Variants in UBE2D2 observed in about 807,000 individuals in gnomAD.
UBE2D2 encodes the protein ubiquitin conjugating enzyme E2 D2, also known as ubiquitin-conjugating enzyme E2 D2.
A neutral mutation model predicts 24.2 loss-of-function variants in UBE2D2; 2 were observed. That is an observed-to-expected ratio of 0.08 (90% confidence interval 0.03 to 0.26). UBE2D2 has a LOEUF of 0.26. Among genes scored for constraint, UBE2D2 ranks in the 10% least tolerant of loss-of-function variants. UBE2D2 has a pLI of 1.00. For synonymous variants in UBE2D2, 58 were observed against 56.5 expected, an observed-to-expected ratio of 1.03 and a Z score of -0.12; for missense variants, 44 against 177.6, an observed-to-expected ratio of 0.25 and a Z score of 4.28.
chr5:139,628,143 T>C lies in UBE2D2; in HGVS notation c.*1342T>C, dbSNP rs1367948438. 1.3e-5 allele frequency: 2 copies of C among 152,676 alleles called. No individual in the cohort carries two copies. Among genetic ancestry groups the C allele is most frequent in the East Asian group, 3.9e-4 (2 of 5,194 alleles). 9.5% of individuals were successfully genotyped at this position (152,676 alleles called of 1,614,324 possible). On this transcript the variant is annotated 3_prime_UTR_variant, in exon 7 of 7. Coordinates refer to ENST00000398733, the MANE Select transcript of UBE2D2 (RefSeq NM_003339.3). ...GAGAGTCTACATAATTACTTTGCAC[T>C]AACATTTGCAGGATGTTCACACAAT...
chr5:139,606,092 A>G (rs1754194161), intron 2 of UBE2D2, among the ~76,000 whole-genome samples: 1 of 152,020 alleles, frequency 6.6e-6, no homozygotes, highest in African/African-American at 2.4e-5. Flanking sequence ...AGATCTGTGC[A>G]TTCAAGTGTA....
intron 1 of UBE2D2, among the ~76,000 whole-genome samples, chr5:139,562,585 A>T (rs188857386): frequency 6.6e-6 from 1 of 152,160 alleles, no homozygotes; most frequent in Non-Finnish European, 1.5e-5. Flanking sequence ...AAATTATACA[A>T]AAGTTCCTTT....
At chr5:139,531,107 C>G (rs1561494909) in intron 1 of UBE2D2, among the ~76,000 whole-genome samples, 1 of 152,160 alleles carries the variant, frequency 6.6e-6, no homozygotes, top group Non-Finnish European at 1.5e-5. Flanking sequence ...GAGAGACCCT[C>G]TCATATTGTT....
chr5:139,583,164 G>A (rs1256519986), intron 1 of UBE2D2, among the ~76,000 whole-genome samples: 3 of 151,644 alleles, frequency 2.0e-5, no homozygotes, highest in South Asian at 2.1e-4. Flanking sequence ...TAGTAGAGAC[G>A]GGGTTTCACC....
intron 1 of UBE2D2, among the ~76,000 whole-genome samples, chr5:139,564,401 G>C (rs1753172979): frequency 6.6e-6 from 1 of 150,662 alleles, no homozygotes; most frequent in Admixed American, 6.6e-5. Context: ...TGATCCACCT[G>C]CCTCAGCCTC....
chr5:139,561,481 G>T lies in UBE2D2; in HGVS notation c.-311G>T. 1 of 352,388 alleles carries T rather than the reference G, an allele frequency of 2.8e-6. No homozygotes were observed. Among genetic ancestry groups the T allele is most frequent in the South Asian group, 1.0e-4 (1 of 9,732 alleles). 21.8% of individuals were successfully genotyped at this position (352,388 alleles called of 1,614,324 possible). A position where few individuals can be genotyped will look rare whatever the true frequency, so the allele number is the denominator to read the frequency against. ...GCTTGGGCTTTTGCTTTCTGGCGGA[G>T]GGATCTGCGGCGGTTTAGGAGGCGG... On this transcript the variant is annotated 5_prime_UTR_variant, in exon 1 of 7. The change creates a new upstream start codon in the 5' untranslated region. Transcript: ENST00000398733.
chr5:139,580,957 G>A (rs1753589304), intron 1 of UBE2D2, among the ~76,000 whole-genome samples: 1 of 152,080 alleles, frequency 6.6e-6, no homozygotes, highest in Non-Finnish European at 1.5e-5. Context: ...ACTGTATAAA[G>A]TTGTTAAAGC....
At chr5:139,560,859 C>T (rs1182711699), upstream of UBE2D2, among the ~76,000 whole-genome samples, 3 of 152,132 alleles carry the variant, frequency 2.0e-5, no homozygotes, top group East Asian at 5.8e-4. Context: ...AGACATCTCC[C>T]TCGTGGCAGG....
intron 1 of UBE2D2, chr5:139,562,343 C>G (rs758643441): frequency 1.5e-6 from 2 of 1,342,198 alleles, no homozygotes; most frequent in African/African-American, 3.0e-5. Context: ...GGTGGCAGCA[C>G]ACATCGGTCC....
At chr5:139,537,935 T>G (rs1296532350) in intron 1 of UBE2D2, among the ~76,000 whole-genome samples, 14 of 148,682 alleles carry the variant, frequency 9.4e-5, no homozygotes, top group East Asian at 2.0e-4. Flanking sequence ...CTGCACTCCA[T>G]CCTGGGCAAC....
intron 1 of UBE2D2, among the ~76,000 whole-genome samples, chr5:139,593,041 G>A (rs1753877473): frequency 7.1e-6 from 1 of 140,648 alleles, no homozygotes; most frequent in Non-Finnish European, 1.6e-5. Flanking sequence ...TGTTACCCAG[G>A]CTGGAGTGCA....
chr5:139,569,983 C>G (rs1753316065), intron 1 of UBE2D2, among the ~76,000 whole-genome samples: 1 of 152,160 alleles, frequency 6.6e-6, no homozygotes, highest in Non-Finnish European at 1.5e-5. Flanking sequence ...TTAGGCTTGA[C>G]ACAGTGGCTC....
At position 139,561,804 on chromosome 5, in the gene UBE2D2, A is replaced by C. The variant is rs777815452; in HGVS notation, c.13A>C (p.Arg5=). The C allele has an allele frequency of 6.7e-7, 1 of 1,502,072 alleles. No homozygotes were observed. Among genetic ancestry groups the C allele is most frequent in the Admixed American group, 2.5e-5 (1 of 40,636 alleles). The allele number at this position is 1,502,072 out of a possible 1,614,324, so 93.0% of individuals were successfully genotyped here. The change falls in exon 1 of 7, where the codon AGA becomes CGA. Residue 5 remains arginine (R), a synonymous_variant. Coordinates refer to ENST00000398733, the MANE Select transcript of UBE2D2 (RefSeq NM_003339.3). ...CCCGCCTCCCACCATGGCTCTGAAG[A>C]GAATCCACAAGGTAAGCGGCCGGAG... MALK[R]IHKELNDLAR...
chr5:139,594,468 C>T (rs1321368010), intron 1 of UBE2D2, among the ~76,000 whole-genome samples: 1 of 151,844 alleles, frequency 6.6e-6, no homozygotes, highest in African/African-American at 2.4e-5. Context: ...GGCTGGAGTG[C>T]AGTGGCATGA....
chr5:139,603,743 C>G (rs1044492024), intron 2 of UBE2D2, among the ~76,000 whole-genome samples: 2 of 151,500 alleles, frequency 1.3e-5, no homozygotes, highest in Non-Finnish European at 2.9e-5. Context: ...TCAATCAAGA[C>G]CAGTCTGGCC....
intron 1 of UBE2D2, among the ~76,000 whole-genome samples, chr5:139,582,977 CTT>C (rs568361893): frequency 2.2e-4 from 29 of 129,970 alleles, no homozygotes; most frequent in South Asian, 2.5e-4. Flanking sequence ...GCTTTTTTTT[CTT>C]TTTTTTTTTT....
intron 1 of UBE2D2, among the ~76,000 whole-genome samples, chr5:139,567,062 A>T (rs1434124124): frequency 6.6e-6 from 1 of 152,184 alleles, no homozygotes. Flanking sequence ...CTGTATTTTT[A>T]AAAGTTTGAA....
chr5:139,541,539 GC>G (rs1243267883), intron 1 of UBE2D2, among the ~76,000 whole-genome samples: 5 of 146,600 alleles, frequency 3.4e-5, no homozygotes, highest in South Asian at 4.4e-4. Context: ...GGCAGAGGTT[GC>G]AGTGAGCCAA....
chr5:139,622,299 C>T (rs979024307), intron 5 of UBE2D2, among the ~76,000 whole-genome samples: 1 of 151,632 alleles, frequency 6.6e-6, no homozygotes, highest in Non-Finnish European at 1.5e-5. Flanking sequence ...GGCTGGAGTG[C>T]AATGCTACGA....
Sources: allele counts gnomAD v4.1 joint callset (sites outside exome capture counted in the v4.1 genomes callset), GRCh38; gene constraint gnomAD v4.1.1; transcripts MANE v1.5; gene names NCBI Gene and HGNC (gene_info 2026-07-23, HGNC 2026-07-21).